WDFY2: variants seen among roughly 807,000 people sequenced by gnomAD.
The protein encoded by WDFY2 is WD repeat and FYVE domain-containing protein 2.
WDFY2 carries 36 observed loss-of-function variants against 56.4 expected under a neutral mutation model. The ratio of observed to expected loss-of-function variants is 0.64; its 90% CI spans 0.49 to 0.84. The LOEUF (loss-of-function observed/expected upper bound fraction) is 0.84. Ranked by LOEUF, WDFY2 falls within the 40% of genes least tolerant of loss-of-function variation. The pLI is 0.00. For synonymous variants in WDFY2, 176 were observed against 183.7 expected (o/e 0.96, Z 0.34); for missense variants, 444 against 512.2 (o/e 0.87, Z 1.29).
chr13:51,661,202 C>T (rs1447190595), intron 2 of WDFY2, among the ~76,000 whole-genome samples: 1 of 152,130 alleles, frequency 6.6e-6, no homozygotes, highest in Admixed American at 6.5e-5. Flanking sequence ...TCCAAGTACA[C>T]TTTTAAAAGA....
At chr13:51,588,580 A>G (rs151208499) in intron 1 of WDFY2, 39 of 152,296 alleles carry the variant, frequency 2.6e-4, no homozygotes, top group Admixed American at 6.5e-4. Flanking sequence ...GAGAAGACCA[A>G]CAATCTCTTC....
intron 3 of WDFY2, among the ~76,000 whole-genome samples, chr13:51,703,144 T>A (rs1230582417): frequency 6.6e-6 from 1 of 152,310 alleles, no homozygotes; most frequent in East Asian, 1.9e-4. Flanking sequence ...GATGCAACCT[T>A]CAGATGCTTA....
At position 51,759,922 on chromosome 13, in the gene WDFY2, GA is replaced by G. The variant is rs1953527682; in HGVS notation, c.*154del. The G allele has an allele frequency of 2.8e-6, 2 of 725,580 alleles. No homozygotes were observed. Among genetic ancestry groups the G allele is most frequent in the South Asian group, 4.1e-5 (2 of 48,428 alleles). The allele number at this position is 725,580 out of a possible 1,614,324, so 44.9% of individuals were successfully genotyped here. On this transcript the variant is annotated 3_prime_UTR_variant, in exon 12 of 12. Coordinates refer to ENST00000298125, the MANE Select transcript of WDFY2 (RefSeq NM_052950.4). ...GCAGATTACCCATGTGCACAGTGGG[GA>G]CCTGGCCAGTGAGCACTCGCAAGGG...
intron 1 of WDFY2, chr13:51,588,021 T>C (rs759030776): frequency 1.3e-5 from 2 of 152,232 alleles, no homozygotes; most frequent in Non-Finnish European, 2.9e-5. Context: ...ACAATCTGAT[T>C]TACAAATAAA....
chr13:51,636,431 C>T (rs1415468893), intron 1 of WDFY2, among the ~76,000 whole-genome samples: 1 of 152,164 alleles, frequency 6.6e-6, no homozygotes, highest in Non-Finnish European at 1.5e-5. Context: ...AGGGAATTAA[C>T]CTTGACCCAT....
intron 1 of WDFY2, among the ~76,000 whole-genome samples, chr13:51,636,727 G>A (rs1955061623): frequency 6.6e-6 from 1 of 152,220 alleles, no homozygotes; most frequent in Admixed American, 6.5e-5. Flanking sequence ...ACATGTGAGT[G>A]AGATCACTTG....
At chr13:51,716,843 C>T (rs1952365263) in intron 4 of WDFY2, among the ~76,000 whole-genome samples, 1 of 150,050 alleles carries the variant, frequency 6.7e-6, no homozygotes, top group African/African-American at 2.5e-5. Context: ...ACAGCATGAC[C>T]TAGTGGGATT....
chr13:51,708,077 C>G (rs888278662), intron 4 of WDFY2, among the ~76,000 whole-genome samples: 1 of 148,284 alleles, frequency 6.7e-6, no homozygotes, highest in East Asian at 2.0e-4. Context: ...TCCCAACTAG[C>G]TGGGATTACA....
chr13:51,630,289 G>A (rs763152913), intron 1 of WDFY2, among the ~76,000 whole-genome samples: 4 of 152,092 alleles, frequency 2.6e-5, no homozygotes, highest in Non-Finnish European at 4.4e-5. Flanking sequence ...TACTTTTATA[G>A]CATGTGAATG....
At chr13:51,662,345 T>C (rs1435093749) in intron 2 of WDFY2, among the ~76,000 whole-genome samples, 1 of 152,136 alleles carries the variant, frequency 6.6e-6, no homozygotes, top group Non-Finnish European at 1.5e-5. Context: ...AGTATCTAAC[T>C]GTAAGAGATG....
intron 9 of WDFY2, among the ~76,000 whole-genome samples, 168 bp from the exon 10 acceptor site, chr13:51,756,164 C>T (rs1953373680): frequency 6.6e-6 from 1 of 152,098 alleles, no homozygotes; most frequent in African/African-American, 2.4e-5. Context: ...TAAACAGAGC[C>T]CCAGAGAAGA....
At chr13:51,591,358 G>C (rs1566298929) in intron 1 of WDFY2, 1 of 152,136 alleles carries the variant, frequency 6.6e-6, no homozygotes, top group Non-Finnish European at 1.5e-5. Context: ...TTTGTTTTGT[G>C]TTAGTGCCTA....
intron 3 of WDFY2, among the ~76,000 whole-genome samples, chr13:51,703,377 A>G (rs1952022235): frequency 6.6e-6 from 1 of 152,210 alleles, no homozygotes; most frequent in Non-Finnish European, 1.5e-5. Flanking sequence ...GTGCATACAC[A>G]AAAAGTCAAC....
intron 6 of WDFY2, among the ~76,000 whole-genome samples, chr13:51,728,415 A>G (rs1440129319): frequency 6.6e-6 from 1 of 152,126 alleles, no homozygotes; most frequent in African/African-American, 2.4e-5. Context: ...ATAATGATTA[A>G]TTTTTTACTA....
At chr13:51,585,377 C>T (rs1208328199) in intron 1 of WDFY2, among the ~76,000 whole-genome samples, 2 of 152,232 alleles carry the variant, frequency 1.3e-5, no homozygotes, top group East Asian at 1.9e-4. Context: ...TAGGCTTCTG[C>T]GTGGTGCCTT....
chr13:51,758,862 A>G (rs1246905774), intron 11 of WDFY2, among the ~76,000 whole-genome samples: 1 of 152,158 alleles, frequency 6.6e-6, no homozygotes, highest in Middle Eastern at 3.2e-3. Flanking sequence ...AAGCTACCAG[A>G]TCTCCGTGAC....
intron 2 of WDFY2, among the ~76,000 whole-genome samples, chr13:51,674,855 A>C (rs1281541039): frequency 1.8e-4 from 28 of 152,226 alleles, no homozygotes; most frequent in Admixed American, 1.8e-3. Flanking sequence ...CAGAAACGTT[A>C]CACAGCACAA....
chr13:51,635,921 C>T (rs1379158822), intron 1 of WDFY2, among the ~76,000 whole-genome samples: 2 of 152,202 alleles, frequency 1.3e-5, no homozygotes, highest in Admixed American at 6.5e-5. Context: ...CATTTCTCTT[C>T]TGGTGTCCCT....
chr13:51,623,937 T>A (rs1053189635), intron 1 of WDFY2, among the ~76,000 whole-genome samples: 1 of 152,166 alleles, frequency 6.6e-6, no homozygotes, highest in African/African-American at 2.4e-5. Context: ...ACCAAGCTTT[T>A]AAAACAAAGA....
Sources: allele counts gnomAD v4.1 joint callset (sites outside exome capture counted in the v4.1 genomes callset), GRCh38; gene constraint gnomAD v4.1.1; transcripts MANE v1.5; gene names NCBI Gene and HGNC (gene_info 2026-07-23, HGNC 2026-07-21).